The following AKAP13 variants were observed in gnomAD, a reference collection of about 807,000 sequenced individuals.
AKAP13 encodes A-kinase anchor protein 13.
AKAP13 carries 80 observed loss-of-function variants against 264.5 expected under a neutral mutation model. That is an observed-to-expected ratio of 0.30 (90% CI 0.25 to 0.36). The LOEUF (loss-of-function observed/expected upper bound fraction) is 0.36. AKAP13 is among the 10% of genes least tolerant of loss of function. AKAP13 has a pLI of 1.00. For missense variants in AKAP13, 3,712 were observed against 3,435.2 expected (o/e 1.08, Z -2.01); for synonymous variants, 1,380 against 1,250.2 (o/e 1.10, Z -2.19).
At chr15:85,681,988 T>A (rs1443461078) in intron 14 of AKAP13, among the ~76,000 whole-genome samples, 170 bp from the exon 15 acceptor site, 2 of 152,142 alleles carry the variant, frequency 1.3e-5, no homozygotes, top group Non-Finnish European at 2.9e-5. Flanking sequence ...AATTTGAGGG[T>A]TTCAAGTTTA....
At chr15:85,440,994 A>G (rs1279589356) in intron 1 of AKAP13, among the ~76,000 whole-genome samples, 1 of 152,144 alleles carries the variant, frequency 6.6e-6, no homozygotes, top group Non-Finnish European at 1.5e-5. Context: ...AAACAAAACA[A>G]ACTGATGTCA....
intron 8 of AKAP13, chr15:85,635,023 G>A (rs911733798): frequency 7.5e-6 from 3 of 397,674 alleles, no homozygotes; most frequent in Admixed American, 4.4e-5. Flanking sequence ...GAATTAAAGC[G>A]CTTTAAAAAT....
intron 5 of AKAP13, among the ~76,000 whole-genome samples, chr15:85,573,546 A>AAAATAAAT (rs141173816): frequency 0.15 from 21,163 of 145,718 alleles, 1,864 homozygotes; most frequent in East Asian, 0.42. Flanking sequence ...CTCTGTCTCA[A>AAAATAAAT]AAATAAATAA....
Position 85,655,551 on chromosome 15 carries a change from A to G in AKAP13, c.4509A>G (p.Arg1503=). The G allele has an allele frequency of 6.2e-7, 1 of 1,614,216 alleles. No homozygotes were observed. The highest frequency in any genetic ancestry group is 8.5e-7 in the Non-Finnish European group (1 of 1,180,034). ...AGATTTTAAAGCCAAACAGGTCAAG[A>G]GATCGGCAAAGCCTTGATGGATTCT... ...LSQILKPNRS[R]DRQSLDGFYS... The change falls in exon 11 of 37, where the codon AGA becomes AGG. Residue 1503 remains arginine (R), a synonymous_variant. Transcript: ENST00000394518.
rs115766996 is a variant in AKAP13, at chr15:85,580,951, A to G, written c.2883A>G (p.Gln961=). The stretch of plus-strand genomic sequence containing the variant: ...CACCACCTCCTGGACAAGATACTCA[A>G]CAATTTCATGAAAAATCAATCTCAG... ...QRTPPPGQDT[Q]QFHEKSISAD... is the part of the protein sequence containing the mutation. The change falls in exon 7 of 37, where the codon CAA becomes CAG. Residue 961 remains glutamine (Q), a synonymous_variant. Transcript: ENST00000394518. 1.6e-4 allele frequency: 262 copies of G among 1,614,168 alleles called. 1 individual carries two copies. The East Asian group carries it at 4.9e-3, about 30-fold the overall frequency.
At chr15:85,564,106 A>C (rs1298741245) in intron 5 of AKAP13, among the ~76,000 whole-genome samples, 1 of 152,210 alleles carries the variant, frequency 6.6e-6, no homozygotes. Flanking sequence ...ATTTTCTGTC[A>C]GTATCTGTTT....
rs888319978 is a variant in AKAP13, at chr15:85,746,445, G to A, written c.*1768G>A. 3 of 152,054 alleles carry A rather than the reference G, an allele frequency of 2.0e-5. No homozygotes were observed. Among genetic ancestry groups the A allele is most frequent in the African/African-American group, 7.2e-5 (3 of 41,388 alleles). The allele number at this position is 152,054 out of a possible 1,614,324, so 9.4% of individuals were successfully genotyped here. A position where few individuals can be genotyped will look rare whatever the true frequency, so the allele number is the denominator to read the frequency against. The stretch of plus-strand genomic sequence containing the variant: ...TTGAAGGCCCAGATGAAATTTTAAA[G>A]GGAGGGGGTCCATGTCCTTCCCTCC... On this transcript the variant is annotated 3_prime_UTR_variant, in exon 37 of 37. Transcript: ENST00000394518.
intron 1 of AKAP13, among the ~76,000 whole-genome samples, chr15:85,451,510 G>T (rs922315176): frequency 6.6e-6 from 1 of 152,042 alleles, no homozygotes; most frequent in Non-Finnish European, 1.5e-5. Context: ...AACTGGTAGC[G>T]GTCTTTCTTT....
At chr15:85,537,793 G>A (rs2077450264) in intron 4 of AKAP13, among the ~76,000 whole-genome samples, 1 of 152,132 alleles carries the variant, frequency 6.6e-6, no homozygotes, top group Non-Finnish European at 1.5e-5. Flanking sequence ...CTGATAATGT[G>A]TGCTAGTTTA....
chr15:85,494,095 A>G (rs1420725110), intron 2 of AKAP13, among the ~76,000 whole-genome samples: 1 of 152,178 alleles, frequency 6.6e-6, no homozygotes, highest in East Asian at 1.9e-4. Context: ...AAAGTGAACA[A>G]CTACTCATAC....
chr15:85,646,018 A>C, intron 10 of AKAP13, 64 bp downstream of exon 10: 1 of 1,570,160 alleles, frequency 6.4e-7, no homozygotes, highest in African/African-American at 1.4e-5. Context: ...TGGGCTTCCC[A>C]AACTCTTTTC....
At chr15:85,444,969 T>G (rs2073849448) in intron 1 of AKAP13, among the ~76,000 whole-genome samples, 1 of 152,100 alleles carries the variant, frequency 6.6e-6, no homozygotes, top group Non-Finnish European at 1.5e-5. Context: ...TGCAAAGGGG[T>G]CATGCATGTT....
At chr15:85,704,334 A>C (rs2086107333) in intron 17 of AKAP13, among the ~76,000 whole-genome samples, 1 of 152,156 alleles carries the variant, frequency 6.6e-6, no homozygotes, top group Non-Finnish European at 1.5e-5. Flanking sequence ...TCCTCTTATC[A>C]TTGTATAAAG....
At chr15:85,432,098 CT>C (rs146022866) in intron 1 of AKAP13, among the ~76,000 whole-genome samples, 1 of 150,938 alleles carries the variant, frequency 6.6e-6, no homozygotes. Flanking sequence ...GTTCTCATTT[CT>C]TTTTTTTTAG....
chr15:85,496,210 G>A (rs1001835310), intron 2 of AKAP13, among the ~76,000 whole-genome samples: 5 of 152,098 alleles, frequency 3.3e-5, no homozygotes, highest in African/African-American at 1.2e-4. Context: ...TCCCTCAAAA[G>A]CCCATTTAAA....
chr15:85,559,338 A>G (rs541878998), intron 5 of AKAP13, among the ~76,000 whole-genome samples: 15 of 152,178 alleles, frequency 9.9e-5, no homozygotes, highest in African/African-American at 3.1e-4. Context: ...AGAAATCTCT[A>G]TTTCAGTGGT....
chr15:85,684,506 G>A, intron 15 of AKAP13: 1 of 384,738 alleles, frequency 2.6e-6, no homozygotes, highest in Non-Finnish European at 4.7e-6. Context: ...CAAGGCTGCA[G>A]TGAGCTATCA....
chr15:85,563,397 A>G (rs1458281778), intron 5 of AKAP13, among the ~76,000 whole-genome samples: 2 of 138,496 alleles, frequency 1.4e-5, no homozygotes, highest in East Asian at 4.2e-4. Flanking sequence ...TTTGTCCAAC[A>G]TTTTGTCAGT....
chr15:85,486,044 T>G (rs1191226602), intron 2 of AKAP13, among the ~76,000 whole-genome samples: 5 of 152,240 alleles, frequency 3.3e-5, no homozygotes, highest in Non-Finnish European at 7.3e-5. Context: ...TACTGTAGCT[T>G]CTTATTTTTT....
Sources: gnomAD v4.1 joint callset for allele counts (sites outside exome capture counted in the v4.1 genomes callset) on GRCh38, gnomAD v4.1.1 for gene constraint, MANE v1.5 for transcripts, NCBI Gene and HGNC (gene_info 2026-07-23, HGNC 2026-07-21) for gene names.